GADL1: variants seen among roughly 807,000 people sequenced by gnomAD.
GADL1 encodes the protein acidic amino acid decarboxylase GADL1.
GADL1 carries 71 observed loss-of-function variants against 69.5 expected under a neutral mutation model. That is an observed-to-expected ratio of 1.02 (90% confidence interval 0.84 to 1.25). The LOEUF is 1.25. Ranked by LOEUF, GADL1 falls within the 50% of genes most tolerant of loss-of-function variation. The probability of loss-of-function intolerance (pLI) is 0.00; values close to 1 mark genes in which losing one functional copy is unlikely to be tolerated. For synonymous variants in GADL1, 254 were observed against 214.4 expected, an observed-to-expected ratio of 1.18 and a Z score of -1.62; for missense variants, 737 against 631.8, an observed-to-expected ratio of 1.17 and a Z score of -1.79.
At chr3:30,817,525 C>A (rs911091813) in intron 11 of GADL1, among the ~76,000 whole-genome samples, 19 of 152,290 alleles carry the variant, frequency 1.2e-4, no homozygotes, top group African/African-American at 4.3e-4. Flanking sequence ...GAAATGAAAT[C>A]TATTACAGTG....
intron 14 of GADL1, among the ~76,000 whole-genome samples, chr3:30,734,168 G>C (rs962442361): frequency 2.6e-5 from 4 of 152,256 alleles, no homozygotes; most frequent in East Asian, 1.9e-4. Flanking sequence ...TGAATTTAAG[G>C]TCTTCAGAAC....
chr3:30,764,911 C>T (rs960049814), intron 14 of GADL1, among the ~76,000 whole-genome samples: 3 of 144,382 alleles, frequency 2.1e-5, no homozygotes, highest in African/African-American at 7.8e-5. Flanking sequence ...TGAGGCACTA[C>T]CATTTCTAGA....
intron 12 of GADL1, among the ~76,000 whole-genome samples, chr3:30,788,967 T>A (rs1004293976): frequency 3.9e-5 from 6 of 152,160 alleles, no homozygotes; most frequent in African/African-American, 1.2e-4. Flanking sequence ...AAGTCAACCA[T>A]GAGAGTTGGA....
rs1250982754 is a variant in GADL1, at chr3:30,861,592, C to A, written c.210+1G>T. 1.9e-6 allele frequency: 3 copies of A among 1,539,942 alleles called. No homozygotes were observed. The highest frequency in any genetic ancestry group is 2.6e-6 in the Non-Finnish European group (3 of 1,141,900). ...AATTTCTTACAGGTTTTAATTTTTA[C>A]CTTCTCATTGACATCTGTAGCTTTC... On this transcript the variant is annotated splice_donor_variant, in intron 2 of 14. Transcript: ENST00000282538. LOFTEE classifies it high-confidence loss of function.
At chr3:30,843,649 T>C (rs1698006973) in intron 8 of GADL1, among the ~76,000 whole-genome samples, 1 of 152,170 alleles carries the variant, frequency 6.6e-6, no homozygotes, top group African/African-American at 2.4e-5. Flanking sequence ...CTCCAATATT[T>C]CAGTTCTAAT....
At chr3:30,738,534 G>A (rs997707794) in intron 14 of GADL1, among the ~76,000 whole-genome samples, 11 of 152,058 alleles carry the variant, frequency 7.2e-5, no homozygotes, top group African/African-American at 2.7e-4. Context: ...TTGGCCCAGA[G>A]CAAAGTAAAT....
Position 30,865,493 on chromosome 3 carries a change from G to A in GADL1, c.38-3728C>T, listed in dbSNP as rs1371517786. 3.9e-5 allele frequency among the ~76,000 whole-genome samples: 6 copies of A among 152,016 alleles called. No individual in the cohort carries two copies. In the East Asian group the frequency reaches 9.7e-4, roughly 25 times the overall value. On this transcript the variant is annotated intron_variant, in intron 1 of 14. Coordinates refer to ENST00000282538, the MANE Select transcript of GADL1 (RefSeq NM_207359.3). ...GTTCCTTTAACCAACCAGTGATAAT[G>A]TCTTCCTCCCTTGAGATGCCGTCGC...
intron 14 of GADL1, among the ~76,000 whole-genome samples, chr3:30,759,759 G>T (rs1461076): frequency 4.6e-5 from 7 of 151,984 alleles, no homozygotes; most frequent in Non-Finnish European, 8.8e-5. Context: ...CTGCCACTGG[G>T]TTTGTGCATA....
intron 14 of GADL1, among the ~76,000 whole-genome samples, chr3:30,753,829 C>CT (rs773950372): frequency 1.3e-5 from 2 of 152,192 alleles, no homozygotes; most frequent in Non-Finnish European, 2.9e-5. Flanking sequence ...GGCTAGCTTC[C>CT]TTGTACACTT....
chr3:30,781,544 ATTGACTTCAAGCTTAT>A (rs1408905229), intron 13 of GADL1, among the ~76,000 whole-genome samples: 1 of 152,218 alleles, frequency 6.6e-6, no homozygotes, highest in African/African-American at 2.4e-5. Flanking sequence ...GTGAATTTTA[ATTGACTTCAAGCTTAT>A]AGGTGTTAAG....
chr3:30,880,559 C>T (rs1698630061), intron 1 of GADL1, among the ~76,000 whole-genome samples: 2 of 152,060 alleles, frequency 1.3e-5, no homozygotes, highest in South Asian at 2.1e-4. Context: ...GATTGTGAGG[C>T]CTCCCCAGCC....
intron 2 of GADL1, among the ~76,000 whole-genome samples, chr3:30,860,966 T>G (rs1248226728): frequency 6.6e-6 from 1 of 151,758 alleles, no homozygotes; most frequent in East Asian, 2.0e-4. Flanking sequence ...GCATAAGGAG[T>G]AGTCCTTAGA....
chr3:30,778,643 G>C, intron 13 of GADL1: 1 of 162,766 alleles, frequency 6.1e-6, no homozygotes. Context: ...TACCATCATA[G>C]GCTTCCAATA....
At chr3:30,746,596 CA>C (rs1468931615) in intron 14 of GADL1, among the ~76,000 whole-genome samples, 1 of 152,090 alleles carries the variant, frequency 6.6e-6, no homozygotes, top group Non-Finnish European at 1.5e-5. Context: ...GATAAGGTGA[CA>C]GGTGGGCCAA....
intron 14 of GADL1, among the ~76,000 whole-genome samples, chr3:30,758,198 G>A (rs1223596198): frequency 1.3e-5 from 2 of 152,136 alleles, no homozygotes; most frequent in African/African-American, 2.4e-5. Flanking sequence ...TGCCTTTGTA[G>A]TACATTCCTA....
At chr3:30,787,656 C>T (rs1159134975) in intron 12 of GADL1, among the ~76,000 whole-genome samples, 2 of 152,146 alleles carry the variant, frequency 1.3e-5, no homozygotes, top group Admixed American at 1.3e-4. Context: ...TAGTTATGAT[C>T]CTATGATCAT....
At chr3:30,768,302 C>A (rs182181039) in intron 14 of GADL1, among the ~76,000 whole-genome samples, 7 of 152,152 alleles carry the variant, frequency 4.6e-5, no homozygotes, top group Admixed American at 3.9e-4. Context: ...AACCTAAATG[C>A]CCCAAATTGA....
chr3:30,740,296 G>T (rs1318920728), intron 14 of GADL1, among the ~76,000 whole-genome samples: 1 of 151,956 alleles, frequency 6.6e-6, no homozygotes, highest in African/African-American at 2.4e-5. Context: ...TCTTTTTTTG[G>T]GAATAACTGC....
intron 14 of GADL1, among the ~76,000 whole-genome samples, chr3:30,773,299 TGGG>T: frequency 6.6e-6 from 1 of 152,244 alleles, no homozygotes; most frequent in South Asian, 2.1e-4. Context: ...TTCTGGCCCT[TGGG>T]GGAATACATG....
Sources: gnomAD v4.1 joint callset for allele counts (sites outside exome capture counted in the v4.1 genomes callset) on GRCh38, gnomAD v4.1.1 for gene constraint, MANE v1.5 for transcripts, NCBI Gene and HGNC (gene_info 2026-07-23, HGNC 2026-07-21) for gene names.